OARD1: variants seen among roughly 807,000 people sequenced by gnomAD.
OARD1 encodes the protein ADP-ribose glycohydrolase OARD1.
In OARD1, 19 loss-of-function variants were observed where a neutral mutation model predicts 19.7. That is an observed-to-expected ratio of 0.96 (90% confidence interval 0.67 to 1.41). The LOEUF (loss-of-function observed/expected upper bound fraction) is 1.41. Among genes scored for constraint, OARD1 ranks in the 40% most tolerant of loss-of-function variants. OARD1 has a pLI of 0.00. For synonymous variants in OARD1, 70 were observed against 61.8 expected, an observed-to-expected ratio of 1.13 and a Z score of -0.62; for missense variants, 190 against 183.8, an observed-to-expected ratio of 1.03 and a Z score of -0.20.
chr6:41,071,784 G>A (rs986591217), intron 1 of OARD1, 109 bp from the exon 2 acceptor site: 3 of 654,668 alleles, frequency 4.6e-6, no homozygotes, highest in East Asian at 2.7e-5. Flanking sequence ...GTTTATCGAT[G>A]AATGTGAGTT....
chr6:41,094,558 C>G lies in OARD1; in HGVS notation c.-42+3155G>C, dbSNP rs564491229. ...TACCTTGTATTGACTTGAGTTGAAG[C>G]CTTCAGCAGTGTCCTCTTGCTATTT... On this transcript the variant is annotated intron_variant, in intron 1 of 4. Coordinates refer to the OARD1 transcript ENST00000480585. 1.2e-4 allele frequency: 160 copies of G among 1,313,262 alleles called. 2 individuals carry two copies. The South Asian group carries it at 1.8e-3, about 15-fold the overall frequency. The allele number at this position is 1,313,262 out of a possible 1,614,324, so 81.4% of individuals were successfully genotyped here.
chr6:41,095,741 C>A (rs1442001144), intron 1 of OARD1, among the ~76,000 whole-genome samples: 3 of 152,128 alleles, frequency 2.0e-5, no homozygotes, highest in Non-Finnish European at 4.4e-5. Flanking sequence ...CTTTTCTTTA[C>A]AGTGTAATAA....
intron 1 of OARD1, chr6:41,094,496 A>C: frequency 6.2e-7 from 1 of 1,610,868 alleles, no homozygotes; most frequent in Non-Finnish European, 8.5e-7. Flanking sequence ...CCCCATATGC[A>C]GGTAGGAAGA....
At chr6:41,097,235 T>C in intron 1 of OARD1, 2 of 848,670 alleles carry the variant, frequency 2.4e-6, no homozygotes, top group Non-Finnish European at 3.9e-6. Flanking sequence ...TAAGATGTAT[T>C]ACAAGCCTTT....
chr6:41,090,316 G>T (rs560914522), intron 1 of OARD1: 2 of 1,602,608 alleles, frequency 1.2e-6, no homozygotes, highest in East Asian at 4.5e-5. Context: ...CAAGGTAAGT[G>T]TACCCATAAG....
upstream of OARD1, among the ~76,000 whole-genome samples, chr6:41,073,744 A>G (rs985449652): frequency 1.3e-5 from 2 of 151,808 alleles, no homozygotes; most frequent in Non-Finnish European, 2.9e-5. Context: ...CCTGGTGGGG[A>G]GAGGGGGCCG....
At chr6:41,071,434 G>A (rs1275243503) in intron 2 of OARD1, 158 bp from the exon 3 acceptor site, 14 of 972,964 alleles carry the variant, frequency 1.4e-5, no homozygotes, top group Non-Finnish European at 2.2e-5. Context: ...TAAAAGGAAA[G>A]TAATGGATGA....
At position 41,066,646 on chromosome 6, in the gene OARD1, CT is replaced by C. The variant is rs1163073885; in HGVS notation, c.*688del. On this transcript the variant is annotated 3_prime_UTR_variant, in exon 6 of 6. Transcript: ENST00000424266. The stretch of plus-strand genomic sequence containing the variant: ...CCATGAGGAGATTCTAAAAACCTGC[CT>C]TTTGACTTGTCTATTTTTATCTCTT... The C allele has an allele frequency of 6.6e-6, 1 of 152,130 alleles. No individual in the cohort carries two copies. The highest frequency in any genetic ancestry group is 1.5e-5 in the Non-Finnish European group (1 of 68,022). The allele number at this position is 152,130 out of a possible 1,614,324, so 9.4% of individuals were successfully genotyped here. A position where few individuals can be genotyped will look rare whatever the true frequency, so the allele number is the denominator to read the frequency against.
chr6:41,084,754 G>C (rs1026453860), intron 1 of OARD1, among the ~76,000 whole-genome samples: 1 of 152,198 alleles, frequency 6.6e-6, no homozygotes, highest in African/African-American at 2.4e-5. Flanking sequence ...CTTGAGGCCA[G>C]GAGTTCAAGA....
intron 1 of OARD1, chr6:41,089,632 G>A (rs1385043799): frequency 6.2e-7 from 1 of 1,612,752 alleles, no homozygotes; most frequent in Non-Finnish European, 8.5e-7. Context: ...AGGCTGTGCA[G>A]GTGCAGGGCC....
chr6:41,083,122 T>A (rs1001372165), intron 1 of OARD1, among the ~76,000 whole-genome samples: 1 of 152,230 alleles, frequency 6.6e-6, no homozygotes, highest in Non-Finnish European at 1.5e-5. Flanking sequence ...TTTGGACTAT[T>A]CCATGGATCA....
At chr6:41,079,554 AT>A (rs1266246852) in intron 1 of OARD1, among the ~76,000 whole-genome samples, 1 of 152,100 alleles carries the variant, frequency 6.6e-6, no homozygotes, top group Non-Finnish European at 1.5e-5. Context: ...CTGTTTTTTG[AT>A]TTGGTCTGCC....
intron 1 of OARD1, chr6:41,097,574 C>A: frequency 1.5e-6 from 1 of 655,038 alleles, no homozygotes; most frequent in Non-Finnish European, 2.6e-6. Flanking sequence ...TGCAGCGATG[C>A]CTGGCAAATT....
At chr6:41,090,028 T>G (rs1764158782) in intron 1 of OARD1, among the ~76,000 whole-genome samples, 1 of 152,120 alleles carries the variant, frequency 6.6e-6, no homozygotes. Flanking sequence ...GAGAATCGCT[T>G]GAACCCAGGA....
upstream of OARD1, among the ~76,000 whole-genome samples, chr6:41,074,345 G>T (rs910257150): frequency 6.6e-6 from 1 of 152,182 alleles, no homozygotes; most frequent in Non-Finnish European, 1.5e-5. Context: ...CGTGTGTTAG[G>T]GAGGGAGTAC....
chr6:41,071,482 A>G, intron 2 of OARD1, 114 bp downstream of exon 2: 2 of 1,098,974 alleles, frequency 1.8e-6, no homozygotes, highest in Non-Finnish European at 2.8e-6. Context: ...AAAGTAAATC[A>G]GCTAGAGAGA....
At chr6:41,071,545 C>T (rs1763393570) in intron 2 of OARD1, 51 bp downstream of exon 2, 5 of 1,439,608 alleles carry the variant, frequency 3.5e-6, no homozygotes, top group African/African-American at 2.8e-5. Flanking sequence ...TGCTTTTGAC[C>T]TCCATTATTA....
At chr6:41,080,927 C>T (rs755692038) in intron 1 of OARD1, 2 of 1,545,874 alleles carry the variant, frequency 1.3e-6, no homozygotes, top group Non-Finnish European at 8.9e-7. Flanking sequence ...TCTGTGAGCA[C>T]TGCATGAACT....
At position 41,071,311 on chromosome 6, in the gene OARD1, T is replaced by C. The variant is rs768485352; in HGVS notation, c.40-35A>G. The C allele has an allele frequency of 7.5e-6, 12 of 1,595,432 alleles. No homozygotes were observed. The Admixed American group carries it at 1.5e-4, about 20-fold the overall frequency. On this transcript the variant is annotated intron_variant, in intron 2 of 5. Coordinates refer to ENST00000424266, the MANE Select transcript of OARD1 (RefSeq NM_001329686.2). ...GTGCAAAGGAAAAGACAATGTTTTA[T>C]TAGATACAGTAAAATACTAAGCTAT...
Sources: allele counts gnomAD v4.1 joint callset (sites outside exome capture counted in the v4.1 genomes callset), GRCh38; gene constraint gnomAD v4.1.1; transcripts MANE v1.5; gene names NCBI Gene and HGNC (gene_info 2026-07-23, HGNC 2026-07-21).